Variants in METTL15 observed in about 807,000 individuals in gnomAD.
METTL15 encodes methyltransferase 15, mitochondrial 12S rRNA N4-cytidine, also known as 12S rRNA N(4)-cytidine methyltransferase METTL15.
METTL15 carries 34 observed loss-of-function variants against 38.3 expected under a neutral mutation model. The observed-to-expected ratio is 0.89, with a 90% CI of 0.68 to 1.18. The LOEUF is 1.18. Ranked by LOEUF, METTL15 falls within the 50% of genes most tolerant of loss-of-function variation. METTL15 has a pLI of 0.00. For missense variants in METTL15, 438 were observed against 498.4 expected, an observed-to-expected ratio of 0.88 and a Z score of 1.15; for synonymous variants, 162 against 170.9, an observed-to-expected ratio of 0.95 and a Z score of 0.41.
intron 4 of METTL15, among the ~76,000 whole-genome samples, chr11:28,276,648 G>C (rs1451516578): frequency 6.6e-6 from 1 of 152,062 alleles, no homozygotes; most frequent in Non-Finnish European, 1.5e-5. Flanking sequence ...TGAGCAAAAG[G>C]AACAAAGTTA....
chr11:28,486,712 C>T (rs1358206045), intron 6 of METTL15, among the ~76,000 whole-genome samples: 1 of 152,214 alleles, frequency 6.6e-6, no homozygotes, highest in Non-Finnish European at 1.5e-5. Context: ...TTTACCTCCT[C>T]AACTGTCTTC....
At chr11:28,238,800 C>T (rs1213701572) in intron 4 of METTL15, among the ~76,000 whole-genome samples, 3 of 152,310 alleles carry the variant, frequency 2.0e-5, no homozygotes, top group Non-Finnish European at 1.5e-5. Flanking sequence ...AACTGCCCCA[C>T]CCCACGGCTC....
In METTL15 at chr11:28,333,401, G is replaced by A. The variant is rs1849868337; in HGVS notation, c.*2560G>A. The A allele has an allele frequency of 6.6e-6, 1 of 152,136 alleles. No individual in the cohort carries two copies. Among genetic ancestry groups the A allele is most frequent in the Admixed American group, 6.6e-5 (1 of 15,266 alleles). 9.4% of individuals were successfully genotyped at this position (152,136 alleles called of 1,614,324 possible). A position where few individuals can be genotyped will look rare whatever the true frequency, so the allele number is the denominator to read the frequency against. ...TAAAATACATGAATGAGTTTTAAATGGTTAGCTTTGGAGAATGGTTTTGGG... is the reference window on the plus strand; with the variant it reads ...TAAAATACATGAATGAGTTTTAAATAGTTAGCTTTGGAGAATGGTTTTGGG... On this transcript the variant is annotated 3_prime_UTR_variant, in exon 7 of 7. Coordinates refer to ENST00000407364, the MANE Select transcript of METTL15 (RefSeq NM_001113528.2).
intron 6 of METTL15, among the ~76,000 whole-genome samples, chr11:28,511,743 T>C (rs1037964985): frequency 3.9e-5 from 6 of 152,178 alleles, no homozygotes; most frequent in African/African-American, 1.4e-4. Context: ...ATAAAGGCAG[T>C]GTGGACCCAA....
chr11:28,188,237 A>G (rs1851574736), intron 3 of METTL15, among the ~76,000 whole-genome samples: 1 of 151,416 alleles, frequency 6.6e-6, no homozygotes, highest in South Asian at 2.1e-4. Context: ...CTATACATGA[A>G]TCACATATAT....
At chr11:28,295,469 T>C (rs979854901) in intron 5 of METTL15, among the ~76,000 whole-genome samples, 4 of 151,646 alleles carry the variant, frequency 2.6e-5, no homozygotes, top group South Asian at 4.1e-4. Context: ...CAGTCCGACA[T>C]AAAAACAATT....
At chr11:28,430,255 C>T (rs545771937) in intron 6 of METTL15, among the ~76,000 whole-genome samples, 9,784 of 147,364 alleles carry the variant, frequency 0.066, 470 homozygotes, top group Non-Finnish European at 0.11. Flanking sequence ...CCAGGCCAGC[C>T]GCCCCATCCG....
chr11:28,260,717 G>T (rs1204453892), intron 4 of METTL15, among the ~76,000 whole-genome samples: 3 of 152,178 alleles, frequency 2.0e-5, no homozygotes, highest in Non-Finnish European at 4.4e-5. Flanking sequence ...CAAGATTTTT[G>T]TTAAAATAGG....
At chr11:28,228,048 C>T (rs1410394526) in intron 4 of METTL15, among the ~76,000 whole-genome samples, 1 of 151,830 alleles carries the variant, frequency 6.6e-6, no homozygotes, top group Non-Finnish European at 1.5e-5. Context: ...CTCAAGAATT[C>T]CCATTCTTCT....
chr11:28,528,661 C>T (rs1478506794), downstream of METTL15, among the ~76,000 whole-genome samples: 1 of 152,202 alleles, frequency 6.6e-6, no homozygotes, highest in Non-Finnish European at 1.5e-5. Context: ...ATTAGTCATT[C>T]TCTGATAATT....
chr11:28,294,577 C>T (rs1014179056), intron 5 of METTL15, among the ~76,000 whole-genome samples: 4 of 152,126 alleles, frequency 2.6e-5, no homozygotes, highest in African/African-American at 9.7e-5. Context: ...GTTCTGTTGG[C>T]AGTTATAGTC....
At chr11:28,486,569 A>C (rs1564944936) in intron 6 of METTL15, among the ~76,000 whole-genome samples, 1 of 152,078 alleles carries the variant, frequency 6.6e-6, no homozygotes, top group Non-Finnish European at 1.5e-5. Flanking sequence ...CAGGATTGTT[A>C]ATAAAGCCTG....
intron 6 of METTL15, among the ~76,000 whole-genome samples, chr11:28,455,419 T>C (rs1201542805): frequency 6.6e-6 from 1 of 152,098 alleles, no homozygotes; most frequent in Non-Finnish European, 1.5e-5. Context: ...CACGTTACCA[T>C]AGACAATGCA....
chr11:28,233,926 GT>G (rs1275965076), intron 4 of METTL15, among the ~76,000 whole-genome samples: 1 of 151,202 alleles, frequency 6.6e-6, no homozygotes, highest in Admixed American at 6.6e-5. Context: ...TTAGCATTAG[GT>G]ATATCTCCTA....
At chr11:28,166,758 C>T (rs558887441) in intron 3 of METTL15, among the ~76,000 whole-genome samples, 42 of 152,032 alleles carry the variant, frequency 2.8e-4, no homozygotes, top group Admixed American at 1.1e-3. Flanking sequence ...AAGACCAGCC[C>T]GGCCAACATG....
intron 6 of METTL15, among the ~76,000 whole-genome samples, chr11:28,487,302 T>G (rs567263206): frequency 6.6e-6 from 1 of 152,276 alleles, no homozygotes; most frequent in African/African-American, 2.4e-5. Context: ...AACTAAAAGC[T>G]AATAATAGCA....
Position 28,195,840 on chromosome 11 carries a change from C to G in METTL15, c.271-15222C>G, listed in dbSNP as rs140462587. On this transcript the variant is annotated intron_variant, in intron 3 of 6. Transcript: ENST00000407364. ...TTTTCTTCTAGAATTTTTATGGTTTCAGGTCTTAGATTTAAGTCTTCAGTC... is the reference window on the plus strand; with the variant it reads ...TTTTCTTCTAGAATTTTTATGGTTTGAGGTCTTAGATTTAAGTCTTCAGTC... Among the ~76,000 whole-genome samples, 967 of 152,096 alleles carry G rather than the reference C, an allele frequency of 6.4e-3. 10 individuals are homozygous for G. The highest frequency in any genetic ancestry group is 0.022 in the African/African-American group (929 of 41,540).
chr11:28,246,784 G>T (rs556163236), intron 4 of METTL15, among the ~76,000 whole-genome samples: 3 of 152,178 alleles, frequency 2.0e-5, no homozygotes, highest in Admixed American at 6.5e-5. Context: ...GTGAGCAAGG[G>T]TTACCATATT....
At chr11:28,196,301 A>G (rs1229373467) in intron 3 of METTL15, among the ~76,000 whole-genome samples, 1 of 152,084 alleles carries the variant, frequency 6.6e-6, no homozygotes, top group South Asian at 2.1e-4. Flanking sequence ...CAGTATGGTC[A>G]TGTTCATGAT....
Sources: gnomAD v4.1 joint callset for allele counts (sites outside exome capture counted in the v4.1 genomes callset) on GRCh38, gnomAD v4.1.1 for gene constraint, MANE v1.5 for transcripts, NCBI Gene and HGNC (gene_info 2026-07-23, HGNC 2026-07-21) for gene names.